DRD3: variants seen among roughly 807,000 people sequenced by gnomAD.
DRD3 encodes dopamine receptor D3.
Under a neutral mutation model 36.3 loss-of-function variants are expected in DRD3, and 19 were observed. The observed-to-expected ratio is 0.52, with a 90% CI of 0.36 to 0.77. The LOEUF is 0.77. DRD3 is among the 30% of genes least tolerant of loss of function. The pLI, the probability that DRD3 is intolerant of heterozygous loss-of-function variation, is 0.00. For synonymous variants in DRD3, 195 were observed against 203.7 expected (o/e 0.96, Z 0.36); for missense variants, 465 against 505.3 (o/e 0.92, Z 0.77).
chr3:114,142,167 G>A (rs2077531737), intron 4 of DRD3, among the ~76,000 whole-genome samples: 2 of 152,124 alleles, frequency 1.3e-5, no homozygotes, highest in Non-Finnish European at 2.9e-5. Flanking sequence ...GAGGGATAGG[G>A]TGGCAGTGCG....
intron 3 of DRD3, among the ~76,000 whole-genome samples, chr3:114,154,456 A>C (rs772139892): frequency 6.6e-6 from 1 of 152,086 alleles, no homozygotes; most frequent in Non-Finnish European, 1.5e-5. Flanking sequence ...CCTGGGTTTA[A>C]TGAGCCCCAG....
At chr3:114,129,049 A>T in intron 6 of DRD3, 137 bp from the exon 7 acceptor site, 1 of 911,170 alleles carries the variant, frequency 1.1e-6, no homozygotes, top group Non-Finnish European at 1.6e-6. Context: ...ACTTTTTTTT[A>T]TAACAACCCT....
intron 3 of DRD3, among the ~76,000 whole-genome samples, chr3:114,149,831 T>A (rs2077600974): frequency 6.6e-6 from 1 of 152,212 alleles, no homozygotes; most frequent in Non-Finnish European, 1.5e-5. Flanking sequence ...ACCTCAGTCC[T>A]GCAACTGCAA....
intron 5 of DRD3, among the ~76,000 whole-genome samples, chr3:114,133,785 G>A (rs898430492): frequency 6.6e-6 from 1 of 152,064 alleles, no homozygotes; most frequent in Non-Finnish European, 1.5e-5. Flanking sequence ...TGAACAGGAG[G>A]CAGAACTCAA....
intron 2 of DRD3, 21 bp from the exon 3 acceptor site, chr3:114,159,888 T>A (rs199709036): frequency 3.7e-6 from 6 of 1,608,822 alleles, no homozygotes; most frequent in Non-Finnish European, 5.1e-6. Context: ...GAGACAAGGA[T>A]GTTAGTGTTT....
At chr3:114,159,931 C>T in intron 2 of DRD3, 64 bp from the exon 3 acceptor site, 1 of 1,478,848 alleles carries the variant, frequency 6.8e-7, no homozygotes, top group Non-Finnish European at 9.4e-7. Flanking sequence ...CCAGTTGGCC[C>T]TATTTTCTTT....
chr3:114,197,797 T>C (rs984354196), intron 1 of DRD3, among the ~76,000 whole-genome samples: 2 of 152,208 alleles, frequency 1.3e-5, no homozygotes, highest in African/African-American at 2.4e-5. Context: ...TCTATTAATA[T>C]ATTTGTCTAT....
chr3:114,137,808 A>G (rs9855387), intron 5 of DRD3, among the ~76,000 whole-genome samples: 12,333 of 147,886 alleles, frequency 0.083, 1,105 homozygotes, highest in African/African-American at 0.23. Flanking sequence ...TGGCTAACAC[A>G]GTGAAACCCC....
intron 3 of DRD3, among the ~76,000 whole-genome samples, chr3:114,155,280 G>C (rs1468951141): frequency 6.6e-6 from 1 of 152,112 alleles, no homozygotes; most frequent in Non-Finnish European, 1.5e-5. Context: ...CTTTTCCAAG[G>C]CCTGTTTTCA....
chr3:114,149,914 G>A (rs2077602037), intron 3 of DRD3, among the ~76,000 whole-genome samples: 2 of 151,962 alleles, frequency 1.3e-5, no homozygotes, highest in South Asian at 2.1e-4. Context: ...ACACAACCCA[G>A]TCTACACCTT....
rs752349435 is a variant in DRD3 at position 114,159,871 on chromosome 3, G to A, written c.271-4C>T. The A allele has an allele frequency of 6.2e-7, 1 of 1,613,232 alleles. No homozygotes were observed. On this transcript the variant is annotated splice_polypyrimidine_tract_variant and splice_region_variant and intron_variant, in intron 2 of 6. Transcript: ENST00000383673. ...AATTCCAGACTCCACCTGTCACCTG[G>A]GTATCAGAGACAAGGATGTTAGTGT...
At chr3:114,157,146 C>T (rs553111064) in intron 3 of DRD3, among the ~76,000 whole-genome samples, 9 of 151,832 alleles carry the variant, frequency 5.9e-5, no homozygotes, top group Admixed American at 1.3e-4. Context: ...CTCCACCTCC[C>T]GGGTTCAAGC....
Position 114,142,275 on chromosome 3 carries a change from C to G in DRD3, c.527-2579G>C, listed in dbSNP as rs532185330. Among the ~76,000 whole-genome samples, 4 of 152,042 alleles carry G rather than the reference C, an allele frequency of 2.6e-5. No individual in the cohort carries two copies. The South Asian group carries it at 8.3e-4, about 32-fold the overall frequency. On this transcript the variant is annotated intron_variant, in intron 4 of 6. Transcript: ENST00000383673. ...TCAGCATCTGACTATGGTTTTAAAA[C>G]CTGCCTGTGATAAGGAGGCGTTTCA...
chr3:114,137,946 T>C (rs62267126), intron 5 of DRD3, among the ~76,000 whole-genome samples: 5,172 of 130,646 alleles, frequency 0.04, 107 homozygotes, highest in Middle Eastern at 0.072. Context: ...TGCAGTGAGC[T>C]GAGATTGCGC....
upstream of DRD3, among the ~76,000 whole-genome samples, chr3:114,182,759 C>T (rs2077955209): frequency 1.3e-5 from 2 of 152,096 alleles, no homozygotes; most frequent in Non-Finnish European, 1.5e-5. Flanking sequence ...CTATATTTGT[C>T]TTTTTCAGAC....
chr3:114,179,719 T>C (rs952052681), upstream of DRD3, among the ~76,000 whole-genome samples: 1 of 152,194 alleles, frequency 6.6e-6, no homozygotes, highest in African/African-American at 2.4e-5. Context: ...GTGGTAATTC[T>C]TCGGCTGTTT....
At chr3:114,185,911 T>G (rs1168158986) in intron 1 of DRD3, among the ~76,000 whole-genome samples, 1 of 152,202 alleles carries the variant, frequency 6.6e-6, no homozygotes, top group African/African-American at 2.4e-5. Context: ...AATTTTTTGT[T>G]GAAAAACAGA....
intron 5 of DRD3, among the ~76,000 whole-genome samples, chr3:114,132,165 A>G (rs1055251480): frequency 1.3e-5 from 2 of 152,248 alleles, no homozygotes; most frequent in Non-Finnish European, 2.9e-5. Context: ...TGAAATGCCC[A>G]TCAATGATAG....
intron 3 of DRD3, among the ~76,000 whole-genome samples, chr3:114,156,879 C>CTT (rs201941324): frequency 0.92 from 129,146 of 140,844 alleles, 59,190 homozygotes; most frequent in Non-Finnish European, 0.94. Flanking sequence ...CTTTTTCTTT[C>CTT]TCTTTCTTTT....
Sources: allele counts gnomAD v4.1 joint callset (sites outside exome capture counted in the v4.1 genomes callset), GRCh38; gene constraint gnomAD v4.1.1; transcripts MANE v1.5; gene names NCBI Gene and HGNC (gene_info 2026-07-23, HGNC 2026-07-21).